KCTD16: variants seen among roughly 807,000 people sequenced by gnomAD.
KCTD16 encodes the protein potassium channel tetramerization domain containing 16.
KCTD16 carries 13 observed loss-of-function variants against 33.2 expected under a neutral mutation model. The ratio of observed to expected loss-of-function variants is 0.39; its 90% CI spans 0.25 to 0.62. The LOEUF (loss-of-function observed/expected upper bound fraction) is 0.62, where lower values mean the gene tolerates loss of function less well. Among genes scored for constraint, KCTD16 ranks in the 20% least tolerant of loss-of-function variants. The probability of loss-of-function intolerance (pLI) is 0.50; values close to 1 mark genes in which losing one functional copy is unlikely to be tolerated. For missense variants in KCTD16, 441 were observed against 525.1 expected, an observed-to-expected ratio of 0.84 and a Z score of 1.57; for synonymous variants, 197 against 195.3, an observed-to-expected ratio of 1.01 and a Z score of -0.07.
At chr5:144,316,508 C>CTT (rs398050808) in intron 3 of KCTD16, among the ~76,000 whole-genome samples, 3,126 of 119,914 alleles carry the variant, frequency 0.026, 109 homozygotes, top group Admixed American at 0.045. Flanking sequence ...TGTTTTTTGT[C>CTT]TTTTTTTTTT....
chr5:144,313,569 T>C (rs1271760081), intron 3 of KCTD16, among the ~76,000 whole-genome samples: 6 of 152,204 alleles, frequency 3.9e-5, no homozygotes, highest in Non-Finnish European at 1.5e-5. Flanking sequence ...ACAGAGCAAC[T>C]GATTCAGATT....
intron 3 of KCTD16, among the ~76,000 whole-genome samples, chr5:144,322,392 T>C (rs1198317948): frequency 6.6e-6 from 1 of 152,090 alleles, no homozygotes; most frequent in Non-Finnish European, 1.5e-5. Flanking sequence ...TCAGAGCTAA[T>C]CCTGGGACTT....
chr5:144,248,502 A>C (rs1754610356), intron 3 of KCTD16, among the ~76,000 whole-genome samples: 1 of 152,204 alleles, frequency 6.6e-6, no homozygotes, highest in Admixed American at 6.5e-5. Flanking sequence ...AAGATGGGAG[A>C]ACAATAGAAG....
At chr5:144,317,212 G>T (rs931518671) in intron 3 of KCTD16, among the ~76,000 whole-genome samples, 2 of 152,028 alleles carry the variant, frequency 1.3e-5, no homozygotes, top group Non-Finnish European at 1.5e-5. Context: ...TAAACATTAA[G>T]GAGTGCAGTG....
Position 144,349,640 on chromosome 5 carries a change from G to A in KCTD16, c.833-124020G>A, listed in dbSNP as rs146551883. The stretch of plus-strand genomic sequence containing the variant: ...GACTTAGCCTAGAAGATGGAGAAGG[G>A]CCTGGTCTTCAGTCTGTGCTAGTCC... On this transcript the variant is annotated intron_variant, in intron 3 of 3. Coordinates refer to ENST00000512467, the MANE Select transcript of KCTD16 (RefSeq NM_020768.4). Among the ~76,000 whole-genome samples the A allele has an allele frequency of 3.0e-4, 45 of 152,276 alleles. No homozygotes were observed. The East Asian group carries it at 4.8e-3, about 16-fold the overall frequency.
At chr5:144,357,597 A>G (rs1340596994) in intron 3 of KCTD16, among the ~76,000 whole-genome samples, 1 of 152,232 alleles carries the variant, frequency 6.6e-6, no homozygotes, top group Non-Finnish European at 1.5e-5. Context: ...TGCTCTCTCC[A>G]GAAACTCACA....
chr5:144,249,418 C>T (rs1015186886), intron 3 of KCTD16, among the ~76,000 whole-genome samples: 1 of 152,054 alleles, frequency 6.6e-6, no homozygotes, highest in African/African-American at 2.4e-5. Context: ...TGATTGTCTC[C>T]TTCCCCTCCC....
At chr5:144,442,541 T>C (rs1174203124) in intron 3 of KCTD16, among the ~76,000 whole-genome samples, 2 of 151,022 alleles carry the variant, frequency 1.3e-5, no homozygotes, top group Non-Finnish European at 3.0e-5. Flanking sequence ...CCTTCCAACT[T>C]TTCCTTCCTT....
intron 3 of KCTD16, among the ~76,000 whole-genome samples, chr5:144,245,477 G>C (rs1225650048): frequency 6.6e-6 from 1 of 152,146 alleles, no homozygotes; most frequent in Admixed American, 6.5e-5. Context: ...AGTCTTGAGG[G>C]AGGAAGAAGA....
chr5:144,322,464 AC>A (rs1352669197), intron 3 of KCTD16, among the ~76,000 whole-genome samples: 1 of 152,086 alleles, frequency 6.6e-6, no homozygotes, highest in African/African-American at 2.4e-5. Context: ...AGTGACTGAC[AC>A]CCAGCTTACC....
intron 3 of KCTD16, among the ~76,000 whole-genome samples, chr5:144,431,734 A>G (rs1361753471): frequency 1.3e-5 from 2 of 152,152 alleles, no homozygotes; most frequent in African/African-American, 4.8e-5. Context: ...TGGGAGACAA[A>G]GCTCGTATTT....
At chr5:144,304,222 G>C (rs1258276656) in intron 3 of KCTD16, among the ~76,000 whole-genome samples, 1 of 152,226 alleles carries the variant, frequency 6.6e-6, no homozygotes, top group Admixed American at 6.5e-5. Flanking sequence ...TTAAATCCAA[G>C]TTGACTGCGA....
intron 3 of KCTD16, among the ~76,000 whole-genome samples, chr5:144,266,860 C>T (rs578019626): frequency 2.6e-5 from 4 of 152,126 alleles, no homozygotes; most frequent in African/African-American, 7.2e-5. Flanking sequence ...TTTATTTTAC[C>T]TCTTTGCTGA....
At chr5:144,309,364 C>A (rs1160555145) in intron 3 of KCTD16, among the ~76,000 whole-genome samples, 1 of 146,372 alleles carries the variant, frequency 6.8e-6, no homozygotes, top group Non-Finnish European at 1.5e-5. Flanking sequence ...ATCTCCTCCA[C>A]ATTTTTTTTT....
rs528567090 is a variant in KCTD16 at position 144,404,188 on chromosome 5, G to C, written c.833-69472G>C. Among the ~76,000 whole-genome samples the C allele has an allele frequency of 3.3e-5, 5 of 152,286 alleles. No homozygotes were observed. The South Asian group carries it at 1.0e-3, about 32-fold the overall frequency. On this transcript the variant is annotated intron_variant, in intron 3 of 3. Transcript: ENST00000512467. ...AAGAGTAAGAGGATGGAAGAAAAGA[G>C]TTTACAAACTTTCTGTGTAGCAAGC...
intron 3 of KCTD16, among the ~76,000 whole-genome samples, chr5:144,398,894 G>T (rs1384620095): frequency 6.6e-6 from 1 of 152,064 alleles, no homozygotes; most frequent in Non-Finnish European, 1.5e-5. Flanking sequence ...GTACTTCCTT[G>T]CATTTACATC....
chr5:144,381,688 G>C (rs1752218833), intron 3 of KCTD16, among the ~76,000 whole-genome samples: 1 of 152,140 alleles, frequency 6.6e-6, no homozygotes, highest in African/African-American at 2.4e-5. Flanking sequence ...GATGGCCCAA[G>C]CCATTCATAA....
chr5:144,343,286 T>C (rs1393586856), intron 3 of KCTD16, among the ~76,000 whole-genome samples: 2 of 152,038 alleles, frequency 1.3e-5, no homozygotes, highest in Admixed American at 1.3e-4. Context: ...GAGATTCAAC[T>C]TCTTCCTGGT....
At chr5:144,299,138 ATATATATATATTTT>A (rs1273632291) in intron 3 of KCTD16, among the ~76,000 whole-genome samples, 7 of 29,234 alleles carry the variant, frequency 2.4e-4, no homozygotes, top group African/African-American at 1.1e-3. Context: ...ATATATATAT[ATATATATATATTTT>A]TTTTTTTTTT....
Sources: gnomAD v4.1 joint callset for allele counts (sites outside exome capture counted in the v4.1 genomes callset) on GRCh38, gnomAD v4.1.1 for gene constraint, MANE v1.5 for transcripts, NCBI Gene and HGNC (gene_info 2026-07-23, HGNC 2026-07-21) for gene names.